The following CDH10 variants were observed in gnomAD, a reference collection of about 807,000 sequenced individuals.
CDH10 encodes cadherin 10, also known as cadherin-10.
In CDH10, 30 loss-of-function variants were observed where a neutral mutation model predicts 73.1. The ratio of observed to expected loss-of-function variants is 0.41; its 90% CI spans 0.31 to 0.56. The LOEUF (loss-of-function observed/expected upper bound fraction) is 0.56, where lower values mean the gene tolerates loss of function less well. CDH10 is among the 20% of genes least tolerant of loss of function. The pLI is 0.27. For synonymous variants in CDH10, 345 were observed against 348.2 expected, an observed-to-expected ratio of 0.99 and a Z score of 0.10; for missense variants, 815 against 973.7, an observed-to-expected ratio of 0.84 and a Z score of 2.17.
intron 11 of CDH10, among the ~76,000 whole-genome samples, chr5:24,489,638 A>G (rs1030882658): frequency 3.7e-4 from 56 of 152,046 alleles, no homozygotes; most frequent in African/African-American, 1.3e-3. Context: ...CTCTTTTTTG[A>G]ATGTTTTTTG....
chr5:24,507,802 G>T (rs1742753115), intron 7 of CDH10, among the ~76,000 whole-genome samples: 1 of 152,104 alleles, frequency 6.6e-6, no homozygotes, highest in South Asian at 2.1e-4. Flanking sequence ...CAATACAGTT[G>T]TTGGTAAATG....
chr5:24,579,273 TC>T, intron 2 of CDH10, among the ~76,000 whole-genome samples: 1 of 151,940 alleles, frequency 6.6e-6, no homozygotes, highest in Non-Finnish European at 1.5e-5. Flanking sequence ...ATAAGAATTC[TC>T]CCTATCATAT....
intron 2 of CDH10, among the ~76,000 whole-genome samples, chr5:24,562,870 T>C (rs1417408927): frequency 6.6e-6 from 1 of 152,194 alleles, no homozygotes; most frequent in Non-Finnish European, 1.5e-5. Flanking sequence ...AAAACTAATG[T>C]ATAAATAACT....
intron 5 of CDH10, among the ~76,000 whole-genome samples, chr5:24,532,693 T>A (rs1743791607): frequency 6.6e-6 from 1 of 152,128 alleles, no homozygotes; most frequent in African/African-American, 2.4e-5. Context: ...TGATGACATA[T>A]TTAAAGGGTA....
rs2111637433 is a variant in CDH10, at chr5:24,491,639, G to A, written c.1813C>T (p.Leu605Phe). 6.2e-7 allele frequency: 1 copy of A among 1,613,138 alleles called. No homozygotes were observed. The highest frequency in any genetic ancestry group is 8.5e-7 in the Non-Finnish European group (1 of 1,179,152). ...GCCCCAGTGCTGAGGCCGGCAGGGAGGAGCAGGGCTTCAGCACTGCAGGAT... is the reference window on the plus strand; with the variant it reads ...GCCCCAGTGCTGAGGCCGGCAGGGAAGAGCAGGGCTTCAGCACTGCAGGAT... ...MQSCSAEALL[L>F]PAGLSTGALI... Residue 605 changes from leucine to phenylalanine, a missense_variant, in exon 11 of 12, where the codon CTC becomes TTC. Around this residue, in one of 3 missense-constraint regions of CDH10, gnomAD observed 241 missense variants for 240.3 expected, o/e 1.00. Transcript: ENST00000264463.
At chr5:24,597,607 A>G (rs1746416428) in intron 1 of CDH10, among the ~76,000 whole-genome samples, 2 of 152,102 alleles carry the variant, frequency 1.3e-5, no homozygotes, top group Admixed American at 6.6e-5. Flanking sequence ...CATGCTGTCA[A>G]CTATGTTTTT....
At chr5:24,627,719 A>C (rs1747559197) in intron 1 of CDH10, among the ~76,000 whole-genome samples, 1 of 152,152 alleles carries the variant, frequency 6.6e-6, no homozygotes, top group Non-Finnish European at 1.5e-5. Flanking sequence ...TAGTATGTAG[A>C]AAGTGCTCAA....
At chr5:24,513,929 TC>T (rs1405504029) in intron 5 of CDH10, among the ~76,000 whole-genome samples, 1 of 152,106 alleles carries the variant, frequency 6.6e-6, no homozygotes, top group Admixed American at 6.6e-5. Context: ...GTGCTCACAA[TC>T]ACTTCTCCTA....
chr5:24,540,309 G>T (rs570836651), intron 2 of CDH10, among the ~76,000 whole-genome samples: 3 of 151,878 alleles, frequency 2.0e-5, no homozygotes, highest in African/African-American at 7.2e-5. Context: ...GAATGAAGAA[G>T]GATCTAAGGC....
At chr5:24,580,425 A>C (rs778783980) in intron 2 of CDH10, among the ~76,000 whole-genome samples, 14 of 152,174 alleles carry the variant, frequency 9.2e-5, no homozygotes, top group Non-Finnish European at 1.9e-4. Context: ...GTGAGATGGA[A>C]TTATTGCTTT....
chr5:24,622,392 AT>A (rs1311733413), intron 1 of CDH10, among the ~76,000 whole-genome samples: 1 of 152,172 alleles, frequency 6.6e-6, no homozygotes, highest in African/African-American at 2.4e-5. Flanking sequence ...AAGAAGGGAC[AT>A]TTTCCTGGCT....
Position 24,504,506 on chromosome 5 carries a change from C to CTTTTTT in CDH10, c.1393+600_1393+605dup, listed in dbSNP as rs70965605. On this transcript the variant is annotated intron_variant, in intron 8 of 11. Transcript: ENST00000264463. ...TATTAAATGCTTTTCTCCTATTAAT[C>CTTTTTT]TTTTTTTTTTTTTTTTTTTTTTTTT... Among the ~76,000 whole-genome samples, 41 of 65,144 alleles carry CTTTTTT rather than the reference C, an allele frequency of 6.3e-4. 7 individuals are homozygous for CTTTTTT. The highest frequency in any genetic ancestry group is 1.1e-3 in the Non-Finnish European group (36 of 33,954). 42.7% of individuals were successfully genotyped at this position (65,144 alleles called of 152,430 possible). A position where few individuals can be genotyped will look rare whatever the true frequency, so the allele number is the denominator to read the frequency against.
chr5:24,551,047 A>G (rs1744522336), intron 2 of CDH10, among the ~76,000 whole-genome samples: 1 of 152,150 alleles, frequency 6.6e-6, no homozygotes, highest in African/African-American at 2.4e-5. Flanking sequence ...ACATTACAAT[A>G]CAATCTAAAC....
intron 2 of CDH10, among the ~76,000 whole-genome samples, chr5:24,556,733 A>ATT (rs1444675245): frequency 2.0e-5 from 3 of 151,778 alleles, no homozygotes; most frequent in Non-Finnish European, 4.4e-5. Context: ...CAGAATTAAA[A>ATT]TATTTACACA....
intron 2 of CDH10, among the ~76,000 whole-genome samples, chr5:24,549,973 T>G (rs1308447709): frequency 6.6e-6 from 1 of 152,116 alleles, no homozygotes; most frequent in East Asian, 1.9e-4. Flanking sequence ...ACCAGGGAAT[T>G]TATCCCAACA....
At chr5:24,546,387 G>A (rs1436293094) in intron 2 of CDH10, among the ~76,000 whole-genome samples, 1 of 152,078 alleles carries the variant, frequency 6.6e-6, no homozygotes, top group Admixed American at 6.6e-5. Flanking sequence ...GGGATTGCTC[G>A]ATTGACTGAG....
At chr5:24,531,905 A>G (rs1402744971) in intron 5 of CDH10, among the ~76,000 whole-genome samples, 6 of 152,124 alleles carry the variant, frequency 3.9e-5, no homozygotes, top group Non-Finnish European at 7.4e-5. Context: ...ATATTGGGCC[A>G]GATAACTCTT....
At chr5:24,518,090 T>C (rs904457995) in intron 5 of CDH10, among the ~76,000 whole-genome samples, 2 of 152,186 alleles carry the variant, frequency 1.3e-5, no homozygotes, top group East Asian at 1.9e-4. Flanking sequence ...CAAAACAGTC[T>C]AAAATTACTT....
intron 2 of CDH10, among the ~76,000 whole-genome samples, chr5:24,566,374 G>A (rs1745165440): frequency 6.6e-6 from 1 of 152,008 alleles, no homozygotes; most frequent in Admixed American, 6.6e-5. Context: ...TATATTTTTG[G>A]TAAAGGTAAA....
Sources: gnomAD v4.1 joint callset for allele counts (sites outside exome capture counted in the v4.1 genomes callset) on GRCh38, gnomAD v4.1.1 for gene constraint, gnomAD v4.1.1 regional missense constraint, MANE v1.5 for transcripts, NCBI Gene and HGNC (gene_info 2026-07-23, HGNC 2026-07-21) for gene names.